The following THSD7A variants were observed in gnomAD, a reference collection of about 807,000 sequenced individuals.
THSD7A encodes thrombospondin type-1 domain-containing protein 7A.
THSD7A carries 96 observed loss-of-function variants against 231.3 expected under a neutral mutation model. The observed-to-expected ratio is 0.41, with a 90% CI of 0.35 to 0.49. THSD7A has a LOEUF of 0.49. Among genes scored for constraint, THSD7A ranks in the 20% least tolerant of loss-of-function variants. THSD7A has a pLI of 0.05. For synonymous variants in THSD7A, 940 were observed against 743.3 expected (o/e 1.26, Z -4.30); for missense variants, 2,290 against 2,070.2 (o/e 1.11, Z -2.06).
chr7:11,408,968 A>C (rs941661089), intron 19 of THSD7A, among the ~76,000 whole-genome samples: 2 of 152,230 alleles, frequency 1.3e-5, no homozygotes, highest in African/African-American at 2.4e-5. Flanking sequence ...TCATGGGGAC[A>C]GTTTGAATCA....
chr7:11,545,902 C>A, intron 4 of THSD7A, among the ~76,000 whole-genome samples: 1 of 152,184 alleles, frequency 6.6e-6, no homozygotes, highest in East Asian at 1.9e-4. Flanking sequence ...GACTGTAGGA[C>A]ATGAACAGAG....
intron 1 of THSD7A, among the ~76,000 whole-genome samples, chr7:11,737,311 G>A (rs1021498906): frequency 2.6e-5 from 4 of 151,940 alleles, no homozygotes; most frequent in African/African-American, 9.7e-5. Flanking sequence ...TGGTGGTGAG[G>A]GATGAAACTG....
At chr7:11,537,613 G>GT (rs1485396787) in intron 6 of THSD7A, among the ~76,000 whole-genome samples, 1 of 150,298 alleles carries the variant, frequency 6.7e-6, no homozygotes, top group African/African-American at 2.5e-5. Context: ...ACACCTAACA[G>GT]TGCCATGCTT....
intron 1 of THSD7A, among the ~76,000 whole-genome samples, chr7:11,737,902 G>T (rs1438756452): frequency 6.6e-6 from 1 of 151,950 alleles, no homozygotes; most frequent in Non-Finnish European, 1.5e-5. Flanking sequence ...AGTCATAAAT[G>T]AACAAATAAA....
intron 6 of THSD7A, among the ~76,000 whole-genome samples, chr7:11,483,649 T>C (rs1163689237): frequency 1.3e-5 from 2 of 152,172 alleles, no homozygotes; most frequent in Non-Finnish European, 2.9e-5. Context: ...ATGACTCTTT[T>C]TTCTACTAGG....
intron 11 of THSD7A, among the ~76,000 whole-genome samples, chr7:11,456,026 TAAGGTGATAAG>T (rs1225345701): frequency 6.6e-6 from 1 of 152,040 alleles, no homozygotes; most frequent in Non-Finnish European, 1.5e-5. Flanking sequence ...GCATGGCTAG[TAAGGTGATAAG>T]AAGGAATTTG....
intron 1 of THSD7A, among the ~76,000 whole-genome samples, chr7:11,736,575 G>A (rs1252546430): frequency 6.6e-6 from 1 of 151,852 alleles, no homozygotes; most frequent in African/African-American, 2.4e-5. Context: ...GCTATTGTAA[G>A]GCTATAATAA....
chr7:11,727,810 GCTTTTTATTTCCATTAAC>G (rs1781599505), intron 1 of THSD7A, among the ~76,000 whole-genome samples: 1 of 151,922 alleles, frequency 6.6e-6, no homozygotes, highest in African/African-American at 2.4e-5. Context: ...TACACCCATT[GCTTTTTATTTCCATTAAC>G]AGTCTAACCC....
chr7:11,393,938 CTCTTCAGGATAT>C lies in THSD7A; in HGVS notation c.4411+7845_4411+7856del, dbSNP rs541148088. On this transcript the variant is annotated intron_variant, in intron 23 of 27. Transcript: ENST00000423059. ...GAGAATGGAACCAAGTTGGAAAACA[CTCTTCAGGATAT>C]TATCCAGGAGAACTTCCCCAACCTA... 8.0e-3 allele frequency among the ~76,000 whole-genome samples: 1,208 copies of C among 151,826 alleles called. 19 individuals are homozygous for C. Among genetic ancestry groups the C allele is most frequent in the African/African-American group, 0.027 (1,137 of 41,534 alleles).
rs1415276679 is a variant in THSD7A, at chr7:11,634,831, TAGAC to T, written c.1022+1295_1022+1298del. 3.3e-5 allele frequency among the ~76,000 whole-genome samples: 5 copies of T among 152,140 alleles called. No homozygotes were observed. Among genetic ancestry groups the T allele is most frequent in the Non-Finnish European group, 7.4e-5 (5 of 68,018 alleles). On this transcript the variant is annotated intron_variant, in intron 2 of 27. Coordinates refer to ENST00000423059, the MANE Select transcript of THSD7A (RefSeq NM_015204.3). This position sits in a 1 kb window ranked among gnomAD's most constrained non-coding sequence, Gnocchi z 4.1. ...CTATGATGAGAGAAAGTTATTGTCT[TAGAC>T]AGACCAATCAATTTTTGTTTATCTA...
intron 1 of THSD7A, among the ~76,000 whole-genome samples, chr7:11,797,412 CTTTTTTT>C (rs59662790): frequency 0.052 from 5,711 of 108,894 alleles, 164 homozygotes; most frequent in Non-Finnish European, 0.073. Context: ...CTGCCTCTCT[CTTTTTTT>C]TTTTTTTTTT....
At chr7:11,744,610 A>T (rs1003125297) in intron 1 of THSD7A, among the ~76,000 whole-genome samples, 7 of 97,842 alleles carry the variant, frequency 7.2e-5, no homozygotes, top group Non-Finnish European at 1.2e-4. Flanking sequence ...ACCCCACAAC[A>T]GGCCCCAGTG....
In THSD7A at chr7:11,459,665, ATTT is replaced by A. The variant is rs34415355; in HGVS notation, c.2605+994_2605+996del. Among the ~76,000 whole-genome samples, 200 of 39,880 alleles carry A rather than the reference ATTT, an allele frequency of 5.0e-3. 2 individuals carry two copies. The highest frequency in any genetic ancestry group is 0.025 in the Middle Eastern group (1 of 40). 26.2% of individuals were successfully genotyped at this position (39,880 alleles called of 152,430 possible). A position where few individuals can be genotyped will look rare whatever the true frequency, so the allele number is the denominator to read the frequency against. ...AAAAGGAAGATTATAAAAACAGGGG[ATTT>A]TTTTTTTTTTTTTTTTTTTTTTTTT... On this transcript the variant is annotated intron_variant, in intron 11 of 27. Coordinates refer to ENST00000423059, the MANE Select transcript of THSD7A (RefSeq NM_015204.3).
chr7:11,799,039 C>A (rs1784206314), intron 1 of THSD7A, among the ~76,000 whole-genome samples: 1 of 151,984 alleles, frequency 6.6e-6, no homozygotes. Flanking sequence ...TCTCCCGCTT[C>A]AGACTCCTGA....
chr7:11,681,202 G>C (rs1297189006), intron 1 of THSD7A, among the ~76,000 whole-genome samples: 1 of 151,952 alleles, frequency 6.6e-6, no homozygotes, highest in Non-Finnish European at 1.5e-5. Flanking sequence ...GGTCAGTCAG[G>C]GGGTGGGGAG....
At chr7:11,386,008 T>C (rs1047694736) in intron 23 of THSD7A, among the ~76,000 whole-genome samples, 1 of 152,164 alleles carries the variant, frequency 6.6e-6, no homozygotes, top group South Asian at 2.1e-4. Flanking sequence ...AGAATGATGG[T>C]TTCTAGCTTC....
chr7:11,408,029 A>G (rs919540137), intron 19 of THSD7A, among the ~76,000 whole-genome samples: 1 of 152,204 alleles, frequency 6.6e-6, no homozygotes, highest in East Asian at 1.9e-4. Flanking sequence ...TCTAAAACTT[A>G]ACTGTGGTAT....
intron 6 of THSD7A, among the ~76,000 whole-genome samples, chr7:11,521,496 AT>A (rs1430896061): frequency 7.5e-6 from 1 of 134,178 alleles, no homozygotes; most frequent in South Asian, 2.3e-4. Flanking sequence ...TTATTTATTT[AT>A]TTTTTTATTA....
At chr7:11,756,349 T>C (rs1223244441) in intron 1 of THSD7A, among the ~76,000 whole-genome samples, 2 of 152,090 alleles carry the variant, frequency 1.3e-5, no homozygotes, top group Non-Finnish European at 2.9e-5. Context: ...TCAGGCGTGA[T>C]AAGCAGTAGT....
Sources: allele counts gnomAD v4.1 joint callset (sites outside exome capture counted in the v4.1 genomes callset), GRCh38; gene constraint gnomAD v4.1.1; non-coding constraint Gnocchi (gnomAD v3.1); transcripts MANE v1.5; gene names NCBI Gene and HGNC (gene_info 2026-07-23, HGNC 2026-07-21).